PLCH1: variants seen among roughly 807,000 people sequenced by gnomAD.
PLCH1 encodes the protein phospholipase C eta 1, also known as 1-phosphatidylinositol 4,5-bisphosphate phosphodiesterase eta-1.
PLCH1 carries 60 observed loss-of-function variants against 126.7 expected under a neutral mutation model. The ratio of observed to expected loss-of-function variants is 0.47; its 90% CI spans 0.38 to 0.59. The LOEUF is 0.59. PLCH1 is among the 20% of genes least tolerant of loss of function. The pLI, the probability that PLCH1 is intolerant of heterozygous loss-of-function variation, is 0.00. For missense variants in PLCH1, 1,723 were observed against 2,040.0 expected (o/e 0.84, Z 2.99); for synonymous variants, 719 against 734.9 (o/e 0.98, Z 0.35).
intron 10 of PLCH1, among the ~76,000 whole-genome samples, chr3:155,530,868 G>C (rs1722581201): frequency 6.6e-6 from 1 of 152,188 alleles, no homozygotes; most frequent in Non-Finnish European, 1.5e-5. Context: ...AATAAGACTT[G>C]AAAGTCAAAA....
At position 155,494,614 on chromosome 3, in the gene PLCH1, G is replaced by A; in HGVS notation, c.1895-97C>T. The A allele has an allele frequency of 8.4e-6, 8 of 955,590 alleles. No individual in the cohort carries two copies. In the Admixed American group the frequency reaches 1.3e-4, roughly 15 times the overall value. 59.2% of individuals were successfully genotyped at this position (955,590 alleles called of 1,614,324 possible). A position where few individuals can be genotyped will look rare whatever the true frequency, so the allele number is the denominator to read the frequency against. On this transcript the variant is annotated intron_variant, in intron 15 of 22. Coordinates refer to ENST00000460012, the MANE Select transcript of PLCH1 (RefSeq NM_014996.4). ...ATAATAATGTCAGATTATACCAATAGCAAAAAGCAGAGCACTAGAGAGTGG... is the reference window on the plus strand; with the variant it reads ...ATAATAATGTCAGATTATACCAATAACAAAAAGCAGAGCACTAGAGAGTGG...
At chr3:155,737,372 C>T (rs1749278940) in intron 1 of PLCH1, among the ~76,000 whole-genome samples, 1 of 151,632 alleles carries the variant, frequency 6.6e-6, no homozygotes, top group African/African-American at 2.4e-5. Flanking sequence ...CAATCTATCA[C>T]CCAGGCTGGA....
intron 2 of PLCH1, among the ~76,000 whole-genome samples, chr3:155,617,686 G>A (rs1735963306): frequency 6.6e-6 from 1 of 152,160 alleles, no homozygotes; most frequent in African/African-American, 2.4e-5. Flanking sequence ...TGGAGACGCT[G>A]GTTACTTTAC....
intron 1 of PLCH1, among the ~76,000 whole-genome samples, chr3:155,715,933 C>T (rs1466191014): frequency 6.6e-6 from 1 of 152,112 alleles, no homozygotes; most frequent in Non-Finnish European, 1.5e-5. Flanking sequence ...GCCTATTTTG[C>T]ATCTTTTTCT....
downstream of PLCH1, among the ~76,000 whole-genome samples, chr3:155,479,613 C>T (rs1713717576): frequency 6.6e-6 from 1 of 152,134 alleles, no homozygotes; most frequent in Admixed American, 6.6e-5. Context: ...CCCACCACCA[C>T]AACCAGTTCA....
chr3:155,633,412 TCACACACACA>T (rs59152066), intron 2 of PLCH1, among the ~76,000 whole-genome samples: 42 of 142,354 alleles, frequency 3.0e-4, no homozygotes, highest in Non-Finnish European at 4.3e-4. Flanking sequence ...TTATATAACA[TCACACACACA>T]CACACACACA....
At chr3:155,655,639 A>G (rs747668412) in intron 2 of PLCH1, among the ~76,000 whole-genome samples, 26 of 152,144 alleles carry the variant, frequency 1.7e-4, no homozygotes, top group Non-Finnish European at 3.2e-4. Flanking sequence ...ACAATACTAC[A>G]AACTTCCATG....
chr3:155,479,117 C>T (rs942494274), downstream of PLCH1, among the ~76,000 whole-genome samples: 7 of 152,116 alleles, frequency 4.6e-5, no homozygotes, highest in African/African-American at 9.7e-5. Context: ...CAAATGTAAA[C>T]TCCTGGATTT....
At chr3:155,495,719 C>T (rs1048199573) in intron 15 of PLCH1, among the ~76,000 whole-genome samples, 14 of 152,190 alleles carry the variant, frequency 9.2e-5, no homozygotes, top group African/African-American at 3.4e-4. Context: ...TGCTGCCCAA[C>T]TGACAATGAT....
intron 15 of PLCH1, among the ~76,000 whole-genome samples, chr3:155,495,186 C>A (rs1393168709): frequency 6.6e-6 from 1 of 152,040 alleles, no homozygotes; most frequent in Non-Finnish European, 1.5e-5. Flanking sequence ...CCTAGCCACG[C>A]ATATAAACTA....
chr3:155,508,962 C>T (rs1371300637), intron 12 of PLCH1, among the ~76,000 whole-genome samples: 45 of 111,404 alleles, frequency 4.0e-4, no homozygotes, highest in Non-Finnish European at 2.6e-4. Flanking sequence ...TGGTAGAATT[C>T]GGCTGTGAAT....
chr3:155,734,219 G>A (rs1748990152), intron 1 of PLCH1, among the ~76,000 whole-genome samples: 1 of 152,056 alleles, frequency 6.6e-6, no homozygotes, highest in African/African-American at 2.4e-5. Flanking sequence ...AAGACTTCGG[G>A]AGGCCAAGGT....
intron 6 of PLCH1, among the ~76,000 whole-genome samples, chr3:155,581,551 G>A: frequency 6.6e-6 from 1 of 152,080 alleles, no homozygotes; most frequent in East Asian, 1.9e-4. Context: ...AGTCACAAAG[G>A]TCACATATAT....
intron 2 of PLCH1, among the ~76,000 whole-genome samples, chr3:155,692,307 G>GTAT (rs1277988873): frequency 6.6e-6 from 1 of 152,130 alleles, no homozygotes; most frequent in Non-Finnish European, 1.5e-5. Context: ...ATTATATGCT[G>GTAT]TATTAAATCA....
chr3:155,640,393 T>C (rs909880217), intron 2 of PLCH1, among the ~76,000 whole-genome samples: 5 of 152,182 alleles, frequency 3.3e-5, no homozygotes, highest in Admixed American at 6.5e-5. Context: ...AGTGAGTGAA[T>C]GTAATAATTG....
intron 4 of PLCH1, among the ~76,000 whole-genome samples, chr3:155,587,911 T>C (rs575840805): frequency 2.6e-5 from 4 of 152,186 alleles, no homozygotes; most frequent in African/African-American, 9.6e-5. Context: ...ACTTCAATAT[T>C]GAAGGGTAAT....
At chr3:155,478,094 C>T (rs1279118476), downstream of PLCH1, among the ~76,000 whole-genome samples, 1 of 152,066 alleles carries the variant, frequency 6.6e-6, no homozygotes, top group Non-Finnish European at 1.5e-5. Flanking sequence ...TCATTTACAA[C>T]AACATGGATG....
Position 155,682,274 on chromosome 3 carries a change from G to A in PLCH1, c.79+21872C>T, listed in dbSNP as rs558678855. On this transcript the variant is annotated intron_variant, in intron 2 of 22. Transcript: ENST00000460012. Reference sequence around the variant, plus strand: ...TTCAAACAAGCCCAGCATAGTTCATGCCTTTGGCCTATTCATCATCAGTAC... The same window carrying A: ...TTCAAACAAGCCCAGCATAGTTCATACCTTTGGCCTATTCATCATCAGTAC... 3.3e-5 allele frequency among the ~76,000 whole-genome samples: 5 copies of A among 152,312 alleles called. 1 individual carries two copies. In the South Asian group the frequency reaches 1.0e-3, roughly 32 times the overall value.
At chr3:155,511,685 C>T (rs1206191739) in intron 12 of PLCH1, among the ~76,000 whole-genome samples, 10 of 141,826 alleles carry the variant, frequency 7.1e-5, no homozygotes, top group Admixed American at 3.4e-4. Flanking sequence ...GTCAGGGACC[C>T]ACTTGAGGAG....
Sources: gnomAD v4.1 joint callset for allele counts (sites outside exome capture counted in the v4.1 genomes callset) on GRCh38, gnomAD v4.1.1 for gene constraint, MANE v1.5 for transcripts, NCBI Gene and HGNC (gene_info 2026-07-23, HGNC 2026-07-21) for gene names.